LRRC56: variants seen among roughly 807,000 people sequenced by gnomAD.
LRRC56 encodes the protein leucine-rich repeat-containing protein 56.
Under a neutral mutation model 47.8 loss-of-function variants are expected in LRRC56, and 41 were observed. The observed-to-expected ratio is 0.86, with a 90% CI of 0.67 to 1.11. The LOEUF is 1.11. LRRC56 is among the 50% of genes most tolerant of loss of function. The pLI, the probability that LRRC56 is intolerant of heterozygous loss-of-function variation, is 0.00. For missense variants in LRRC56, 759 were observed against 704.2 expected (o/e 1.08, Z -0.88); for synonymous variants, 387 against 311.2 (o/e 1.24, Z -2.56).
intron 5 of LRRC56, among the ~76,000 whole-genome samples, chr11:542,723 A>G (rs1166130707): frequency 6.6e-6 from 1 of 151,670 alleles, no homozygotes. Flanking sequence ...TTCCTGAACT[A>G]GTTGAGAGTT....
Position 540,837 on chromosome 11 carries a change from A to AGAGT in LRRC56, c.154_157dup (p.Tyr53Ter). 6.3e-7 allele frequency: 1 copy of AGAGT among 1,579,984 alleles called. No individual in the cohort carries two copies. Among genetic ancestry groups the AGAGT allele is most frequent in the Non-Finnish European group, 8.6e-7 (1 of 1,163,510 alleles). ...ACAGACTTGGAGAGCAGCTGGTGGA[A>AGAGT]GAGTACCTGTCCCCTGCCCGGCTGG... On this transcript the variant is annotated frameshift_variant, in exon 4 of 14. Transcript: ENST00000270115. LOFTEE classifies it high-confidence loss of function.
chr11:516,266 G>A, the LRRC56 span, among the ~76,000 whole-genome samples: 1 of 151,948 alleles, frequency 6.6e-6, no homozygotes, highest in Non-Finnish European at 1.5e-5. Context: ...GGTGGTACAC[G>A]CCTGTAATCC....
chr11:550,007 G>A lies in LRRC56; in HGVS notation c.423+9G>A, dbSNP rs1852294114. On this transcript the variant is annotated intron_variant, in intron 7 of 13. Transcript: ENST00000270115. ...CTTTGCCAGCACTTAAGGTGAGTCT[G>A]GGCACCCTGGGCTGGGGAGGCCTGG... 2 of 1,612,398 alleles carry A rather than the reference G, an allele frequency of 1.2e-6. No homozygotes were observed. The highest frequency in any genetic ancestry group is 1.7e-6 in the Non-Finnish European group (2 of 1,179,454).
the LRRC56 span, among the ~76,000 whole-genome samples, chr11:518,789 C>T: frequency 4.6e-5 from 7 of 152,202 alleles, no homozygotes; most frequent in Admixed American, 1.3e-4. Context: ...GGAGAGGACT[C>T]GCGGCGCCCC....
At chr11:532,283 G>A in the LRRC56 span, 2 of 463,584 alleles carry the variant, frequency 4.3e-6, no homozygotes, top group South Asian at 2.4e-5. Flanking sequence ...ATCTGTGCCC[G>A]ACAAGGGCCC....
upstream of LRRC56, chr11:533,180 C>T (rs1312637541): frequency 7.8e-6 from 9 of 1,148,278 alleles, no homozygotes; most frequent in Admixed American, 4.9e-5. Flanking sequence ...CAAGGACCTC[C>T]GCCTTCCCCG....
At chr11:546,385 G>A (rs1209698377) in intron 6 of LRRC56, among the ~76,000 whole-genome samples, 1 of 152,030 alleles carries the variant, frequency 6.6e-6, no homozygotes, top group Non-Finnish European at 1.5e-5. Flanking sequence ...TGACTAACAT[G>A]GTGAAACCCC....
chr11:547,827 T>G (rs931619354), intron 6 of LRRC56, among the ~76,000 whole-genome samples: 2 of 152,042 alleles, frequency 1.3e-5, no homozygotes, highest in Non-Finnish European at 2.9e-5. Context: ...GGTCATAAAT[T>G]GTATAAAAAA....
intron 3 of LRRC56, among the ~76,000 whole-genome samples, chr11:540,421 G>A (rs1851733027): frequency 6.6e-6 from 1 of 152,176 alleles, no homozygotes; most frequent in African/African-American, 2.4e-5. Flanking sequence ...CAGGGAGGGT[G>A]TCCTACGAAG....
At chr11:532,573 G>A (rs3730376), upstream of LRRC56, 124 of 1,575,788 alleles carry the variant, frequency 7.9e-5, 2 homozygotes, top group East Asian at 2.7e-3. Context: ...AGACCGGCAG[G>A]GGCGGGGAGC....
chr11:525,913 A>G, the LRRC56 span, among the ~76,000 whole-genome samples: 16 of 151,966 alleles, frequency 1.1e-4, no homozygotes, highest in Non-Finnish European at 1.6e-4. Context: ...ATAAATAAAT[A>G]GGCCAGGCGC....
At chr11:539,023 C>T (rs1851652457) in intron 2 of LRRC56, among the ~76,000 whole-genome samples, 163 bp downstream of exon 2, 1 of 152,196 alleles carries the variant, frequency 6.6e-6, no homozygotes, top group South Asian at 2.1e-4. Context: ...ACTTGTCACT[C>T]CACGCCTGGA....
Position 554,868 on chromosome 11 carries a change from G to A in LRRC56, c.*592G>A, listed in dbSNP as rs993240320. On this transcript the variant is annotated 3_prime_UTR_variant, in exon 14 of 14. Transcript: ENST00000270115. ...CCAGCTCTCAGGTGTACAGAAATGC[G>A]GTTTACTTTGTAGGCCACGTTGGTT... 9 of 737,628 alleles carry A rather than the reference G, an allele frequency of 1.2e-5. No individual in the cohort carries two copies. The highest frequency in any genetic ancestry group is 1.9e-5 in the African/African-American group (1 of 52,738). The allele number at this position is 737,628 out of a possible 1,614,324, so 45.7% of individuals were successfully genotyped here.
At chr11:522,909 C>T in the LRRC56 span, among the ~76,000 whole-genome samples, 3 of 152,078 alleles carry the variant, frequency 2.0e-5, no homozygotes, top group African/African-American at 4.8e-5. Context: ...CTTCCACGCC[C>T]GGCTAATTTT....
At chr11:532,981 G>A (rs1564788227), upstream of LRRC56, among the ~76,000 whole-genome samples, 1 of 152,200 alleles carries the variant, frequency 6.6e-6, no homozygotes. Flanking sequence ...GGGTGGCCCG[G>A]GGCCCTCCTG....
In LRRC56 at chr11:553,945, A is replaced by G. The variant is rs1392907060; in HGVS notation, c.1316-18A>G. ...CTGACAGCCTTTCTGACGTCCCATC[A>G]CTCTGCTTGCTTTCTAGAGCCCTCC... On this transcript the variant is annotated intron_variant, in intron 13 of 13. Transcript: ENST00000270115. 8 of 1,604,368 alleles carry G rather than the reference A, an allele frequency of 5.0e-6. No individual in the cohort carries two copies. In the African/African-American group the frequency reaches 6.7e-5, roughly 13 times the overall value.
the LRRC56 span, among the ~76,000 whole-genome samples, chr11:527,829 T>C: frequency 6.6e-6 from 1 of 151,582 alleles, no homozygotes; most frequent in African/African-American, 2.4e-5. Flanking sequence ...GCCTCCCAAG[T>C]AGCTGGGATT....
At chr11:520,407 G>A in the LRRC56 span, among the ~76,000 whole-genome samples, 3 of 151,780 alleles carry the variant, frequency 2.0e-5, no homozygotes, top group Non-Finnish European at 2.9e-5. Flanking sequence ...TGCAACCTCC[G>A]CCTCCCGGGT....
chr11:546,151 C>G (rs539458013), intron 6 of LRRC56, among the ~76,000 whole-genome samples: 1 of 152,068 alleles, frequency 6.6e-6, no homozygotes, highest in Non-Finnish European at 1.5e-5. Context: ...ATGCCTGTAA[C>G]CCCAGCTGCT....
Sources: gnomAD v4.1 joint callset for allele counts (sites outside exome capture counted in the v4.1 genomes callset) on GRCh38, gnomAD v4.1.1 for gene constraint, MANE v1.5 for transcripts, NCBI Gene and HGNC (gene_info 2026-07-23, HGNC 2026-07-21) for gene names.